Variants in ADAMTS2 observed in about 807,000 individuals in gnomAD.
ADAMTS2 encodes the protein A disintegrin and metalloproteinase with thrombospondin motifs 2.
Under a neutral mutation model 123.0 loss-of-function variants are expected in ADAMTS2, and 50 were observed. The ratio of observed to expected loss-of-function variants is 0.41; its 90% CI spans 0.32 to 0.51. ADAMTS2 has a LOEUF of 0.51. Ranked by LOEUF, ADAMTS2 falls within the 20% of genes least tolerant of loss-of-function variation. The probability of loss-of-function intolerance (pLI) is 0.35; values close to 1 mark genes in which losing one functional copy is unlikely to be tolerated. For synonymous variants in ADAMTS2, 678 were observed against 695.4 expected (o/e 0.98, Z 0.39); for missense variants, 1,494 against 1,705.2 (o/e 0.88, Z 2.18).
At chr5:179,326,819 C>T (rs933462968) in intron 2 of ADAMTS2, among the ~76,000 whole-genome samples, 3 of 151,966 alleles carry the variant, frequency 2.0e-5, no homozygotes, top group South Asian at 4.1e-4. Flanking sequence ...CTCCAGCGCA[C>T]GGGACCTTGC....
In ADAMTS2 at chr5:179,211,007, C is replaced by T. The variant is rs527721039; in HGVS notation, c.689-3292G>A. ...GCTATAGGGAGCTCTGGCCAGTGGG[C>T]CTGGCGTGGTCCTGAGTCGTCTTCC... On this transcript the variant is annotated intron_variant, in intron 3 of 21. Transcript: ENST00000251582. 7.9e-5 allele frequency among the ~76,000 whole-genome samples: 12 copies of T among 152,374 alleles called. No homozygotes were observed. The South Asian group carries it at 2.5e-3, about 32-fold the overall frequency.
chr5:179,201,508 C>T (rs750980766), intron 4 of ADAMTS2, among the ~76,000 whole-genome samples: 8 of 151,736 alleles, frequency 5.3e-5, no homozygotes, highest in Non-Finnish European at 5.9e-5. Context: ...AAAAATGTCC[C>T]GGCACGGTGG....
At chr5:179,217,141 G>A (rs1765001484) in intron 3 of ADAMTS2, among the ~76,000 whole-genome samples, 2 of 152,234 alleles carry the variant, frequency 1.3e-5, no homozygotes, top group African/African-American at 4.8e-5. Context: ...GGTCATCAGT[G>A]GGTGAGAGGA....
intron 2 of ADAMTS2, among the ~76,000 whole-genome samples, chr5:179,338,498 A>G (rs1293418257): frequency 6.6e-6 from 1 of 152,132 alleles, no homozygotes; most frequent in African/African-American, 2.4e-5. Flanking sequence ...AGCTCACGTA[A>G]GGCAGCAGGG....
rs1317336348 is a variant in ADAMTS2 at position 179,296,249 on chromosome 5, TCTGAGAATG to T, written c.535-23194_535-23186del. On this transcript the variant is annotated intron_variant, in intron 2 of 21. Transcript: ENST00000251582. ...AGGAGGTGGCGGCAGGGGCTGTGCT[TCTGAGAATG>T]CTGACAATGATGGGACCCGGGAGCA... is the stretch of plus-strand genomic sequence containing the variant. Among the ~76,000 whole-genome samples, 6 of 151,864 alleles carry T rather than the reference TCTGAGAATG, an allele frequency of 4.0e-5. No homozygotes were observed. In the South Asian group the frequency reaches 1.0e-3, roughly 26 times the overall value.
intron 4 of ADAMTS2, among the ~76,000 whole-genome samples, chr5:179,200,041 G>T (rs1380003015): frequency 6.6e-6 from 1 of 152,124 alleles, no homozygotes; most frequent in Non-Finnish European, 1.5e-5. Context: ...ACCTTCCTCT[G>T]CTCTTTGAAC....
chr5:179,297,071 A>G (rs1014355368), intron 2 of ADAMTS2, among the ~76,000 whole-genome samples: 4 of 152,168 alleles, frequency 2.6e-5, no homozygotes, highest in Admixed American at 1.3e-4. Context: ...GCACACAGTC[A>G]CCAAGCTTTA....
intron 3 of ADAMTS2, among the ~76,000 whole-genome samples, chr5:179,223,354 GCACT>G (rs1323775289): frequency 2.5e-5 from 3 of 120,662 alleles, no homozygotes; most frequent in East Asian, 2.2e-4. Flanking sequence ...ACACACGAAT[GCACT>G]CAGACACTCA....
chr5:179,268,909 G>A (rs771507771), intron 3 of ADAMTS2, among the ~76,000 whole-genome samples: 3 of 152,232 alleles, frequency 2.0e-5, no homozygotes, highest in South Asian at 2.1e-4. Context: ...GCTGCATGGT[G>A]CCCCCAAAGA....
chr5:179,249,706 A>G (rs1726463503), intron 3 of ADAMTS2, among the ~76,000 whole-genome samples: 1 of 152,222 alleles, frequency 6.6e-6, no homozygotes, highest in Admixed American at 6.5e-5. Context: ...TCAAGGAGAA[A>G]TGGAAAATTT....
At chr5:179,271,708 C>T (rs901253) in intron 3 of ADAMTS2, among the ~76,000 whole-genome samples, 62,604 of 152,130 alleles carry the variant, frequency 0.41, 14,542 homozygotes, top group Admixed American at 0.5. Context: ...ACCGGTTGCA[C>T]TGATTGGCTC....
At chr5:179,310,860 A>C (rs1281943479) in intron 2 of ADAMTS2, among the ~76,000 whole-genome samples, 1 of 152,126 alleles carries the variant, frequency 6.6e-6, no homozygotes, top group African/African-American at 2.4e-5. Flanking sequence ...CCACCACCCC[A>C]GACCATGGCC....
Position 179,115,180 on chromosome 5 carries a change from C to T in ADAMTS2, c.3179-856G>A, listed in dbSNP as rs1205206011. On this transcript the variant is annotated intron_variant, in intron 21 of 21. Transcript: ENST00000251582. The surrounding 1 kb of genome is among the most constrained non-coding windows in gnomAD (Gnocchi z 4.4). ...AGCCCCGACTCTCCACAGAAGCCAC[C>T]ATTATCTCTCACTTTCCACCCAGCC... Among the ~76,000 whole-genome samples, 1 of 152,128 alleles carries T rather than the reference C, an allele frequency of 6.6e-6. No individual in the cohort carries two copies. Among genetic ancestry groups the T allele is most frequent in the Non-Finnish European group, 1.5e-5 (1 of 68,026 alleles).
At position 179,332,261 on chromosome 5, in the gene ADAMTS2, G is replaced by C. The variant is rs1259338620; in HGVS notation, c.534+11506C>G. ...ACGGGAAGGGCTGCAGAGCCTCCAC[G>C]CCCTCTCTGGGCACTCACCCTCCCA... On this transcript the variant is annotated intron_variant, in intron 2 of 21. Coordinates refer to ENST00000251582, the MANE Select transcript of ADAMTS2 (RefSeq NM_014244.5). This position sits in a 1 kb window ranked among gnomAD's most constrained non-coding sequence, Gnocchi z 4.2. Among the ~76,000 whole-genome samples the C allele has an allele frequency of 6.6e-6, 1 of 152,148 alleles. No homozygotes were observed. Among genetic ancestry groups the C allele is most frequent in the Non-Finnish European group, 1.5e-5 (1 of 68,040 alleles).
chr5:179,326,628 A>T (rs1757328221), intron 2 of ADAMTS2, among the ~76,000 whole-genome samples: 1 of 152,072 alleles, frequency 6.6e-6, no homozygotes, highest in African/African-American at 2.4e-5. Context: ...ATGATCTTGT[A>T]GTAACAGGCC....
intron 2 of ADAMTS2, among the ~76,000 whole-genome samples, chr5:179,340,621 G>T (rs1757744767): frequency 1.3e-5 from 2 of 152,230 alleles, no homozygotes; most frequent in African/African-American, 4.8e-5. Context: ...TTCGAAGCTT[G>T]AAGCAAGCTA....
chr5:179,180,359 G>A lies in ADAMTS2; in HGVS notation c.975+713C>T, dbSNP rs1057137801. On this transcript the variant is annotated intron_variant, in intron 5 of 21. Transcript: ENST00000251582. The surrounding 1 kb of genome is among the most constrained non-coding windows in gnomAD (Gnocchi z 4.6). ...AGAGCCCAGCTGGGACAGCAGCCGAGGCCAGAGGAGAGGAGGCCACAGATT... is the reference window on the plus strand; with the variant it reads ...AGAGCCCAGCTGGGACAGCAGCCGAAGCCAGAGGAGAGGAGGCCACAGATT... 6.6e-6 allele frequency among the ~76,000 whole-genome samples: 1 copy of A among 152,202 alleles called. No homozygotes were observed. Among genetic ancestry groups the A allele is most frequent in the African/African-American group, 2.4e-5 (1 of 41,446 alleles).
intron 5 of ADAMTS2, among the ~76,000 whole-genome samples, chr5:179,173,415 C>T (rs1165155733): frequency 6.6e-6 from 1 of 152,110 alleles, no homozygotes; most frequent in Non-Finnish European, 1.5e-5. Flanking sequence ...ATACGGAAAA[C>T]TGAGATCCTG....
intron 5 of ADAMTS2, among the ~76,000 whole-genome samples, chr5:179,169,091 C>G (rs1415253693): frequency 1.3e-5 from 2 of 152,204 alleles, no homozygotes; most frequent in Non-Finnish European, 2.9e-5. Context: ...AATGTTGTGT[C>G]CCCCACATTT....
Sources: allele counts gnomAD v4.1 joint callset (sites outside exome capture counted in the v4.1 genomes callset), GRCh38; gene constraint gnomAD v4.1.1; non-coding constraint Gnocchi (gnomAD v3.1); transcripts MANE v1.5; gene names NCBI Gene and HGNC (gene_info 2026-07-23, HGNC 2026-07-21).